Variants in FAM193A observed in about 807,000 individuals in gnomAD.
FAM193A encodes the protein family with sequence similarity 193 member A, also known as protein FAM193A.
FAM193A carries 22 observed loss-of-function variants against 126.5 expected under a neutral mutation model. The observed-to-expected ratio is 0.17, with a 90% CI of 0.12 to 0.25. The LOEUF is 0.25. FAM193A is among the 10% of genes least tolerant of loss of function. The pLI is 1.00. For missense variants in FAM193A, 1,675 were observed against 1,672.8 expected, an observed-to-expected ratio of 1.00 and a Z score of -0.02; for synonymous variants, 761 against 646.8, an observed-to-expected ratio of 1.18 and a Z score of -2.68.
chr4:2,618,675 A>G (rs1310622462), intron 2 of FAM193A, among the ~76,000 whole-genome samples: 2 of 144,672 alleles, frequency 1.4e-5, no homozygotes, highest in Non-Finnish European at 3.0e-5. Flanking sequence ...GTCTCACTGC[A>G]ACCTCCTCCT....
rs760000921 is a variant in FAM193A at position 2,672,307 on chromosome 4, C to G, written c.2266C>G (p.Pro756Ala). Reference protein sequence around the residue: ...IHGHVPLHTVPHLPRPLIHPT... With the variant: ...IHGHVPLHTVAHLPRPLIHPT... Reference sequence around the variant, plus strand: ...TGGACATGTGCCTTTGCACACTGTTCCACACCTGCCACGCCCTCTCATCCA... The same window carrying G: ...TGGACATGTGCCTTTGCACACTGTTGCACACCTGCCACGCCCTCTCATCCA... The change falls in exon 13 of 21, where the codon CCA becomes GCA. Residue 756 changes from proline to alanine, a missense_variant. Coordinates refer to ENST00000637812, the MANE Select transcript of FAM193A (RefSeq NM_001366318.2). 3 of 1,614,102 alleles carry G rather than the reference C, an allele frequency of 1.9e-6. No homozygotes were observed. The Admixed American group carries it at 5.0e-5, about 27-fold the overall frequency.
intron 1 of FAM193A, among the ~76,000 whole-genome samples, chr4:2,557,120 A>G (rs1175102647): frequency 6.6e-6 from 1 of 152,282 alleles, no homozygotes; most frequent in South Asian, 2.1e-4. Context: ...TAATTTGTAA[A>G]TTAGGCACAG....
At chr4:2,566,848 T>G (rs1054225628) in intron 1 of FAM193A, among the ~76,000 whole-genome samples, 1 of 152,184 alleles carries the variant, frequency 6.6e-6, no homozygotes, top group Non-Finnish European at 1.5e-5. Context: ...CTTGAACTTA[T>G]TAAAAATACA....
chr4:2,617,240 T>TTTTTTATA (rs377206444), intron 2 of FAM193A, among the ~76,000 whole-genome samples: 2 of 35,244 alleles, frequency 5.7e-5, no homozygotes, highest in African/African-American at 2.7e-4. Context: ...TATGTTTTTA[T>TTTTTTATA]TATATATATA....
intron 13 of FAM193A, among the ~76,000 whole-genome samples, chr4:2,675,426 CTGT>C (rs1714285713): frequency 6.6e-6 from 1 of 152,194 alleles, no homozygotes; most frequent in African/African-American, 2.4e-5. Context: ...GTTTGATACT[CTGT>C]TATTAGCGGC....
intron 2 of FAM193A, among the ~76,000 whole-genome samples, chr4:2,613,432 TAG>T: frequency 6.6e-6 from 1 of 151,446 alleles, no homozygotes. Flanking sequence ...ACTCATTTAT[TAG>T]TTCTATGGGC....
chr4:2,721,362 C>G (rs984232591), intron 20 of FAM193A, among the ~76,000 whole-genome samples: 1 of 149,276 alleles, frequency 6.7e-6, no homozygotes, highest in African/African-American at 2.5e-5. Flanking sequence ...GTGGTACATG[C>G]CTGTAGTCCC....
intron 1 of FAM193A, among the ~76,000 whole-genome samples, chr4:2,572,924 G>T (rs1230786225): frequency 6.6e-6 from 1 of 151,974 alleles, no homozygotes; most frequent in Non-Finnish European, 1.5e-5. Flanking sequence ...TGGGTTGAAC[G>T]TAGCAGGATC....
intron 12 of FAM193A, among the ~76,000 whole-genome samples, chr4:2,669,318 C>T (rs1713519577): frequency 6.6e-6 from 1 of 152,078 alleles, no homozygotes; most frequent in African/African-American, 2.4e-5. Flanking sequence ...ATTTTGCCTT[C>T]ATTTTAAAAA....
chr4:2,553,442 G>A (rs1371986024), intron 1 of FAM193A, among the ~76,000 whole-genome samples: 1 of 146,346 alleles, frequency 6.8e-6, no homozygotes, highest in Non-Finnish European at 1.5e-5. Flanking sequence ...GTGCAGTGGT[G>A]CGATTTCGGC....
At chr4:2,552,770 C>T (rs1317661615) in intron 1 of FAM193A, among the ~76,000 whole-genome samples, 2 of 150,116 alleles carry the variant, frequency 1.3e-5, no homozygotes, top group African/African-American at 4.9e-5. Context: ...ATCTCATGAC[C>T]TCGGGATCCG....
intron 5 of FAM193A, among the ~76,000 whole-genome samples, chr4:2,636,000 A>G (rs1034110782): frequency 6.9e-6 from 1 of 144,938 alleles, no homozygotes; most frequent in Non-Finnish European, 1.5e-5. Context: ...AAAAGGACGA[A>G]TTTTTTTTTT....
At chr4:2,602,053 G>C (rs932449395) in intron 2 of FAM193A, among the ~76,000 whole-genome samples, 2 of 152,022 alleles carry the variant, frequency 1.3e-5, no homozygotes, top group Non-Finnish European at 2.9e-5. Context: ...TGCCCAGGCT[G>C]GTTTCGAACT....
intron 20 of FAM193A, among the ~76,000 whole-genome samples, chr4:2,726,778 C>CAAAA (rs71589604): frequency 1.1e-4 from 5 of 44,938 alleles, no homozygotes; most frequent in East Asian, 7.4e-4. Context: ...CTAAAAATAC[C>CAAAA]AAAAAAAAAA....
chr4:2,594,871 C>T (rs1189013587), intron 1 of FAM193A, among the ~76,000 whole-genome samples: 1 of 110,920 alleles, frequency 9.0e-6, no homozygotes, highest in African/African-American at 4.1e-5. Flanking sequence ...CTCTATTGCC[C>T]AGGCTGGAAT....
intron 4 of FAM193A, among the ~76,000 whole-genome samples, chr4:2,628,845 GTCTC>G (rs199567911): frequency 3.1e-5 from 4 of 127,462 alleles, no homozygotes; most frequent in Non-Finnish European, 5.3e-5. Context: ...GCATATTGCT[GTCTC>G]TCTCTTTTTT....
intron 18 of FAM193A, among the ~76,000 whole-genome samples, chr4:2,696,999 G>A (rs548210680): frequency 2.6e-5 from 4 of 152,212 alleles, no homozygotes; most frequent in South Asian, 2.1e-4. Flanking sequence ...AGACTGGGGC[G>A]GGGCACTTGG....
At chr4:2,614,855 T>G (rs1452483683) in intron 2 of FAM193A, among the ~76,000 whole-genome samples, 1 of 152,242 alleles carries the variant, frequency 6.6e-6, no homozygotes, top group Non-Finnish European at 1.5e-5. Flanking sequence ...TTGCCCATTT[T>G]ATATTAAATG....
At chr4:2,608,981 C>T (rs1247471543) in intron 2 of FAM193A, among the ~76,000 whole-genome samples, 1 of 151,330 alleles carries the variant, frequency 6.6e-6, no homozygotes, top group Admixed American at 6.6e-5. Context: ...AGCTCTGCCT[C>T]CCGGGTTCAC....
Sources: allele counts gnomAD v4.1 joint callset (sites outside exome capture counted in the v4.1 genomes callset), GRCh38; gene constraint gnomAD v4.1.1; transcripts MANE v1.5; gene names NCBI Gene and HGNC (gene_info 2026-07-23, HGNC 2026-07-21).